The following PPP6R2 variants were observed in gnomAD, a reference collection of about 807,000 sequenced individuals.
PPP6R2 encodes serine/threonine-protein phosphatase 6 regulatory subunit 2.
In PPP6R2, 62 loss-of-function variants were observed where a neutral mutation model predicts 100.2. That is an observed-to-expected ratio of 0.62 (90% CI 0.50 to 0.76). PPP6R2 has a LOEUF of 0.76. Among genes scored for constraint, PPP6R2 ranks in the 30% least tolerant of loss-of-function variants. The probability of loss-of-function intolerance (pLI) is 0.00; values close to 1 mark genes in which losing one functional copy is unlikely to be tolerated. For synonymous variants in PPP6R2, 525 were observed against 514.7 expected (o/e 1.02, Z -0.27); for missense variants, 1,142 against 1,276.3 (o/e 0.89, Z 1.60).
chr22:50,424,805 T>A (rs1431679085), intron 10 of PPP6R2, among the ~76,000 whole-genome samples: 2 of 151,132 alleles, frequency 1.3e-5, no homozygotes, highest in African/African-American at 2.4e-5. Flanking sequence ...GCCCAGCTAA[T>A]TTTTTTTTGT....
At chr22:50,424,630 C>CTTTTTT (rs1483954681) in intron 10 of PPP6R2, among the ~76,000 whole-genome samples, 4 of 101,294 alleles carry the variant, frequency 3.9e-5, no homozygotes, top group East Asian at 6.6e-4. Flanking sequence ...TTTCCCTCTT[C>CTTTTTT]TTCTTTTTTT....
At chr22:50,421,405 C>T (rs1452458598) in intron 8 of PPP6R2, among the ~76,000 whole-genome samples, 4 of 152,184 alleles carry the variant, frequency 2.6e-5, no homozygotes, top group Admixed American at 6.5e-5. Context: ...TACAGCAGCA[C>T]GATCATATCT....
At chr22:50,420,326 G>A (rs1418024786) in intron 8 of PPP6R2, among the ~76,000 whole-genome samples, 1 of 152,226 alleles carries the variant, frequency 6.6e-6, no homozygotes, top group Non-Finnish European at 1.5e-5. Flanking sequence ...GTATGTGGCA[G>A]AGGAGAGTGG....
At chr22:50,413,541 C>T (rs958213609) in intron 4 of PPP6R2, among the ~76,000 whole-genome samples, 1 of 152,152 alleles carries the variant, frequency 6.6e-6, no homozygotes, top group Non-Finnish European at 1.5e-5. Context: ...GTTTTTATTT[C>T]TGTAGGATCT....
chr22:50,366,164 TA>T (rs966907602), intron 1 of PPP6R2, among the ~76,000 whole-genome samples: 1 of 152,178 alleles, frequency 6.6e-6, no homozygotes, highest in African/African-American at 2.4e-5. Context: ...GGAACCCTAG[TA>T]ATTTTTAGTC....
At chr22:50,381,366 C>CCACACGGGCCCCACCTCAGCAT (rs1224378029) in intron 2 of PPP6R2, among the ~76,000 whole-genome samples, 1 of 65,958 alleles carries the variant, frequency 1.5e-5, no homozygotes, top group East Asian at 3.7e-4. Context: ...CACCTCAGCA[C>CCACACGGGCCCCACCTCAGCAT]CACACGGGCC....
Position 50,432,297 on chromosome 22 carries a change from C to T in PPP6R2, c.1368C>T (p.Ile456=). ...AGAAGTGCTGCCTGGTGCAGAGGAT[C>T]CTGGAGGCCTGGGAAGCCAACGACC... ...LFQKCCLVQR[I]LEAWEANDHT... Residue 456 remains isoleucine, a synonymous_variant, in exon 12 of 24, where the codon ATC becomes ATT. Coordinates refer to ENST00000612753, the MANE Select transcript of PPP6R2 (RefSeq NM_001242898.2). 2 of 1,549,722 alleles carry T rather than the reference C, an allele frequency of 1.3e-6. No individual in the cohort carries two copies. Among genetic ancestry groups the T allele is most frequent in the Non-Finnish European group, 1.7e-6 (2 of 1,147,142 alleles).
chr22:50,355,307 G>A (rs1388316294), intron 1 of PPP6R2, among the ~76,000 whole-genome samples: 1 of 147,794 alleles, frequency 6.8e-6, no homozygotes, highest in African/African-American at 2.5e-5. Context: ...GCGTGATCTC[G>A]GCTCACTGCA....
At chr22:50,338,296 A>AGTGTGTGGTGTGTGTGTG in the PPP6R2 span, among the ~76,000 whole-genome samples, 1 of 74,264 alleles carries the variant, frequency 1.3e-5, no homozygotes, top group South Asian at 4.8e-4. Flanking sequence ...TGTGGTGTGT[A>AGTGTGTGGTGTGTGTGTG]GTGTGTGGTG....
At chr22:50,436,515 C>CG (rs1371485206) in intron 14 of PPP6R2, 63 bp downstream of exon 14, 3 of 1,503,322 alleles carry the variant, frequency 2.0e-6, no homozygotes, top group Non-Finnish European at 2.7e-6. Flanking sequence ...TCAGACGCTC[C>CG]TGCCTTTGCC....
At chr22:50,398,374 T>C (rs2057456960) in intron 3 of PPP6R2, among the ~76,000 whole-genome samples, 1 of 151,518 alleles carries the variant, frequency 6.6e-6, no homozygotes, top group Non-Finnish European at 1.5e-5. Context: ...GGTTTCACCA[T>C]GTTGGCCAGG....
At chr22:50,349,342 C>G (rs1404251239) in intron 1 of PPP6R2, among the ~76,000 whole-genome samples, 1 of 133,374 alleles carries the variant, frequency 7.5e-6, no homozygotes, top group Non-Finnish European at 1.5e-5. Flanking sequence ...CCAGCCTGGG[C>G]GACAGCGTGA....
At chr22:50,415,540 G>T (rs928780479) in intron 5 of PPP6R2, among the ~76,000 whole-genome samples, 1 of 152,250 alleles carries the variant, frequency 6.6e-6, no homozygotes, top group African/African-American at 2.4e-5. Flanking sequence ...GCCACGGGGG[G>T]ACAGCTCATC....
chr22:50,404,249 C>G (rs1322322858), intron 3 of PPP6R2, among the ~76,000 whole-genome samples: 1 of 151,874 alleles, frequency 6.6e-6, no homozygotes, highest in East Asian at 1.9e-4. Flanking sequence ...CGCCCACCAC[C>G]ACACCTGGCT....
chr22:50,350,448 C>G (rs1233335010), intron 1 of PPP6R2, among the ~76,000 whole-genome samples: 1 of 148,654 alleles, frequency 6.7e-6, no homozygotes, highest in Admixed American at 6.6e-5. Flanking sequence ...CCAGGCTGGT[C>G]TCGAACTCCT....
chr22:50,380,337 C>T (rs374069414), intron 2 of PPP6R2, among the ~76,000 whole-genome samples: 3 of 151,214 alleles, frequency 2.0e-5, no homozygotes, highest in Non-Finnish European at 2.9e-5. Context: ...TCCCAAAGTG[C>T]TGGGTTACAG....
In PPP6R2 at chr22:50,436,413, G is replaced by A; in HGVS notation, c.1563G>A (p.Glu521=). The change falls in exon 14 of 24, where the codon GAG becomes GAA. Residue 521 remains glutamate, a synonymous_variant. Transcript: ENST00000612753. ...GCCGCTGGGAGAGCTTCGTGGAGGA[G>A]ACGCTGACGGAGACGAACCGCAGGA... ...CRGRWESFVE[E]TLTETNRRNT... is the part of the protein sequence containing the mutation. 1 of 1,592,690 alleles carries A rather than the reference G, an allele frequency of 6.3e-7. No individual in the cohort carries two copies. The highest frequency in any genetic ancestry group is 8.5e-7 in the Non-Finnish European group (1 of 1,171,130).
At chr22:50,382,304 G>A (rs1269992092) in intron 2 of PPP6R2, among the ~76,000 whole-genome samples, 1 of 151,806 alleles carries the variant, frequency 6.6e-6, no homozygotes, top group East Asian at 1.9e-4. Flanking sequence ...CAATTGTCTG[G>A]ATAAAAAAGT....
Position 50,444,062 on chromosome 22 carries a change from GC to G in PPP6R2, c.2777del (p.Ala926GlufsTer15). On this transcript the variant is annotated frameshift_variant, in exon 23 of 24. Transcript: ENST00000612753. LOFTEE classifies it high-confidence loss of function. ...AVAVPLGPIM[A>X]VTAAPAMVAT... ...GGCGGTCCCCCTAGGGCCCATCATG[GC>G]AGTCACAGCAGCCCCAGCCATGGTG... The G allele has an allele frequency of 6.2e-7, 1 of 1,612,868 alleles. No individual in the cohort carries two copies. The highest frequency in any genetic ancestry group is 8.5e-7 in the Non-Finnish European group (1 of 1,179,562).
Sources: allele counts gnomAD v4.1 joint callset (sites outside exome capture counted in the v4.1 genomes callset), GRCh38; gene constraint gnomAD v4.1.1; transcripts MANE v1.5; gene names NCBI Gene and HGNC (gene_info 2026-07-23, HGNC 2026-07-21).